SORCS1: variants seen among roughly 807,000 people sequenced by gnomAD.
The protein encoded by SORCS1 is sortilin related VPS10 domain containing receptor 1, also known as VPS10 domain-containing receptor SorCS1.
A neutral mutation model predicts 146.1 loss-of-function variants in SORCS1; 60 were observed. The observed-to-expected ratio is 0.41, with a 90% CI of 0.33 to 0.51. The LOEUF is 0.51. Ranked by LOEUF, SORCS1 falls within the 20% of genes least tolerant of loss-of-function variation. SORCS1 has a pLI of 0.21. For synonymous variants in SORCS1, 637 were observed against 584.0 expected (o/e 1.09, Z -1.31); for missense variants, 1,352 against 1,487.6 (o/e 0.91, Z 1.50).
chr10:107,034,959 A>T (rs1958831500), intron 1 of SORCS1, among the ~76,000 whole-genome samples: 1 of 152,076 alleles, frequency 6.6e-6, no homozygotes, highest in African/African-American at 2.4e-5. Context: ...GATCATGGTG[A>T]TATAATCAAT....
chr10:107,044,277 G>T (rs754305179), intron 1 of SORCS1, among the ~76,000 whole-genome samples: 1 of 151,896 alleles, frequency 6.6e-6, no homozygotes, highest in Non-Finnish European at 1.5e-5. Flanking sequence ...AAAAGGAAAA[G>T]AAAGAAGTCA....
the SORCS1 span, among the ~76,000 whole-genome samples, chr10:107,172,651 T>A: frequency 6.6e-6 from 1 of 152,206 alleles, no homozygotes; most frequent in South Asian, 2.1e-4. Flanking sequence ...AAGACAGTGT[T>A]TCTTGAATGA....
chr10:106,759,609 T>A (rs1858921538), intron 5 of SORCS1, among the ~76,000 whole-genome samples: 1 of 152,264 alleles, frequency 6.6e-6, no homozygotes, highest in South Asian at 2.1e-4. Context: ...ACAGTTAACT[T>A]CTGATATTTT....
chr10:107,004,175 CAA>C (rs1190654041), intron 1 of SORCS1, among the ~76,000 whole-genome samples: 76 of 49,568 alleles, frequency 1.5e-3, no homozygotes, highest in African/African-American at 4.9e-3. Context: ...GATCCCATCT[CAA>C]AAAAAAAAAA....
chr10:106,930,504 G>A (rs1009879349), intron 2 of SORCS1, among the ~76,000 whole-genome samples: 3 of 152,028 alleles, frequency 2.0e-5, no homozygotes, highest in African/African-American at 7.2e-5. Context: ...TGGGATACAC[G>A]GAAGCTGGCA....
At chr10:107,142,259 A>G (rs1967907545) in intron 1 of SORCS1, among the ~76,000 whole-genome samples, 1 of 152,162 alleles carries the variant, frequency 6.6e-6, no homozygotes, top group Non-Finnish European at 1.5e-5. Context: ...ATTCTAGCAG[A>G]GTTCCTACTA....
At chr10:106,786,935 G>A (rs1946082691) in intron 3 of SORCS1, among the ~76,000 whole-genome samples, 1 of 152,178 alleles carries the variant, frequency 6.6e-6, no homozygotes, top group Non-Finnish European at 1.5e-5. Context: ...ATTAAGGTAA[G>A]TGTATTTATT....
intron 3 of SORCS1, among the ~76,000 whole-genome samples, chr10:106,819,702 C>T (rs969305508): frequency 6.6e-6 from 1 of 152,146 alleles, no homozygotes; most frequent in African/African-American, 2.4e-5. Flanking sequence ...ATTGTGCTTT[C>T]CTTCCTGGCA....
intron 4 of SORCS1, among the ~76,000 whole-genome samples, chr10:106,766,328 C>T (rs1859570988): frequency 6.6e-6 from 1 of 152,172 alleles, no homozygotes. Flanking sequence ...AGCACTCATC[C>T]ACCTTATGAC....
intron 18 of SORCS1, among the ~76,000 whole-genome samples, chr10:106,652,140 C>A (rs949526657): frequency 1.3e-5 from 2 of 151,992 alleles, no homozygotes; most frequent in African/African-American, 2.4e-5. Context: ...AACAGATCCT[C>A]CAAGAGTAAG....
the SORCS1 span, among the ~76,000 whole-genome samples, chr10:107,179,775 T>C: frequency 6.6e-6 from 1 of 152,200 alleles, no homozygotes; most frequent in African/African-American, 2.4e-5. Flanking sequence ...GATTTTACAT[T>C]GTTGAGTTTT....
chr10:106,758,620 A>C (rs111863296), intron 5 of SORCS1, among the ~76,000 whole-genome samples: 71 of 152,288 alleles, frequency 4.7e-4, no homozygotes, highest in African/African-American at 1.7e-3. Context: ...TAACACCCCC[A>C]AAAAGGGAGA....
intron 1 of SORCS1, among the ~76,000 whole-genome samples, chr10:107,128,862 T>C (rs1371695498): frequency 6.6e-6 from 1 of 152,226 alleles, no homozygotes; most frequent in African/African-American, 2.4e-5. Context: ...TGGGTCTTAC[T>C]CCCAGGTCGT....
intron 2 of SORCS1, among the ~76,000 whole-genome samples, chr10:106,857,218 C>G (rs1183726766): frequency 1.3e-5 from 2 of 152,192 alleles, no homozygotes. Context: ...CGTACTGAAC[C>G]AGGGATGAGC....
Position 106,578,706 on chromosome 10 carries a change from T to C in SORCS1, c.3371+663A>G, listed in dbSNP as rs530947519. 3.8e-4 allele frequency: 413 copies of C among 1,081,434 alleles called. 1 individual carries two copies. Among genetic ancestry groups the C allele is most frequent in the Admixed American group, 1.0e-3 (21 of 20,426 alleles). 67.0% of individuals were successfully genotyped at this position (1,081,434 alleles called of 1,614,324 possible). On this transcript the variant is annotated intron_variant, in intron 25 of 25. Transcript: ENST00000263054. ...ACCATGTTTCATTCTAGTCAATACA[T>C]ACCATGTCCTGCAAACCCTGCCCAG...
chr10:106,825,270 T>C (rs1253998866), intron 3 of SORCS1, among the ~76,000 whole-genome samples: 1 of 37,022 alleles, frequency 2.7e-5, no homozygotes, highest in Admixed American at 2.3e-4. Context: ...AGATTTCAAC[T>C]TTTTTTTTTT....
chr10:106,917,247 C>A (rs1041262380), intron 2 of SORCS1, among the ~76,000 whole-genome samples: 2 of 152,074 alleles, frequency 1.3e-5, no homozygotes, highest in Non-Finnish European at 2.9e-5. Context: ...TTTTTTAACA[C>A]TTGTGTTTCT....
intron 2 of SORCS1, among the ~76,000 whole-genome samples, chr10:106,834,828 A>G (rs1162548058): frequency 6.6e-6 from 1 of 152,208 alleles, no homozygotes; most frequent in African/African-American, 2.4e-5. Flanking sequence ...CTTTGTTTAC[A>G]GGTTGACTTA....
intron 1 of SORCS1, among the ~76,000 whole-genome samples, chr10:107,130,659 T>G (rs1966857131): frequency 6.6e-6 from 1 of 152,128 alleles, no homozygotes. Context: ...GTTCCCACTT[T>G]GGCCCTTATC....
Sources: allele counts gnomAD v4.1 joint callset (sites outside exome capture counted in the v4.1 genomes callset), GRCh38; gene constraint gnomAD v4.1.1; transcripts MANE v1.5; gene names NCBI Gene and HGNC (gene_info 2026-07-23, HGNC 2026-07-21).